TRMT9B: variants seen among roughly 807,000 people sequenced by gnomAD.
TRMT9B encodes the protein tRNA methyltransferase 9B (putative).
In TRMT9B, 16 loss-of-function variants were observed where a neutral mutation model predicts 11.5. That is an observed-to-expected ratio of 1.39 (90% confidence interval 0.94 to 2.11). TRMT9B has a LOEUF of 2.11. TRMT9B is among the 30% of genes most tolerant of loss of function. The pLI, the probability that TRMT9B is intolerant of heterozygous loss-of-function variation, is 0.00. For synonymous variants in TRMT9B, 274 were observed against 192.4 expected (o/e 1.42, Z -3.51); for missense variants, 941 against 553.8 (o/e 1.70, Z -7.02).
At chr8:12,967,427 T>C (rs149434839) in intron 1 of TRMT9B, among the ~76,000 whole-genome samples, 25 of 152,288 alleles carry the variant, frequency 1.6e-4, no homozygotes, top group Admixed American at 4.6e-4. Context: ...CACCAGACCA[T>C]AACGAAATGG....
At chr8:13,002,157 T>G (rs1366461569) in intron 2 of TRMT9B, among the ~76,000 whole-genome samples, 1 of 152,146 alleles carries the variant, frequency 6.6e-6, no homozygotes, top group Non-Finnish European at 1.5e-5. Flanking sequence ...ATAGAAAACT[T>G]AGGGGAAGAT....
rs200747223 is a variant in TRMT9B at position 13,008,730 on chromosome 8, A to AT, written c.154+2383dup. 4.7e-3 allele frequency among the ~76,000 whole-genome samples: 715 copies of AT among 151,662 alleles called. 11 individuals carry two copies. The highest frequency in any genetic ancestry group is 0.016 in the African/African-American group (649 of 41,332). On this transcript the variant is annotated intron_variant, in intron 3 of 4. Coordinates refer to ENST00000524591, the MANE Select transcript of TRMT9B (RefSeq NM_020844.3). ...AACACATGTCATAGAAATCTAGATAATTTTTTTTTCTTTTTTGAGACGGAG... is the reference window on the plus strand; with the variant it reads ...AACACATGTCATAGAAATCTAGATAATTTTTTTTTTCTTTTTTGAGACGGAG...
intron 1 of TRMT9B, among the ~76,000 whole-genome samples, chr8:12,988,749 A>G (rs188526343): frequency 6.6e-6 from 1 of 152,316 alleles, no homozygotes; most frequent in East Asian, 1.9e-4. Context: ...GGGAACTACA[A>G]TTCAAGATGA....
At chr8:12,968,258 G>A (rs1029097772) in intron 1 of TRMT9B, among the ~76,000 whole-genome samples, 1 of 152,174 alleles carries the variant, frequency 6.6e-6, no homozygotes, top group South Asian at 2.1e-4. Flanking sequence ...AGTTCTACAG[G>A]AGTATATGAC....
intron 1 of TRMT9B, 96 bp from the exon 2 acceptor site, chr8:12,990,738 A>G: frequency 1.6e-6 from 1 of 607,872 alleles, no homozygotes; most frequent in Non-Finnish European, 2.4e-6. Flanking sequence ...TTGGCTGGGT[A>G]ATTTATGCAT....
At chr8:12,961,076 G>A (rs1802039499) in intron 1 of TRMT9B, among the ~76,000 whole-genome samples, 2 of 152,106 alleles carry the variant, frequency 1.3e-5, no homozygotes, top group African/African-American at 4.8e-5. Context: ...GGGAAGTGGA[G>A]GTTGCAGTGA....
At chr8:12,962,202 G>A (rs1376245558) in intron 1 of TRMT9B, 1 of 152,334 alleles carries the variant, frequency 6.6e-6, no homozygotes, top group Admixed American at 6.5e-5. Context: ...GCTTTGCTAG[G>A]ACACCATCAT....
At position 12,987,439 on chromosome 8, in the gene TRMT9B, C is replaced by G. The variant is rs565894256; in HGVS notation, c.-199-3395C>G. Among the ~76,000 whole-genome samples, 78 of 152,176 alleles carry G rather than the reference C, an allele frequency of 5.1e-4. No individual in the cohort carries two copies. In the South Asian group the frequency reaches 0.016, roughly 31 times the overall value. On this transcript the variant is annotated intron_variant, in intron 1 of 4. Transcript: ENST00000524591. ...GGTGCAGTGGCTGACTTCTGTAATC[C>G]CAGCATTTCAGGAGGCCAAGGCAGG...
rs1165536764 is a variant in TRMT9B at position 13,028,451 on chromosome 8, G to A, written c.*6407G>A. ...GAATATTACCTCCACATTGAAAAAC[G>A]AGTGAGTCACTGCAGTTAAGCCAGT... On this transcript the variant is annotated 3_prime_UTR_variant, in exon 5 of 5. Coordinates refer to ENST00000524591, the MANE Select transcript of TRMT9B (RefSeq NM_020844.3). 1.8e-5 allele frequency: 3 copies of A among 166,944 alleles called. No homozygotes were observed. The highest frequency in any genetic ancestry group is 6.6e-5 in the Admixed American group (1 of 15,264). The allele number at this position is 166,944 out of a possible 1,614,324, so 10.3% of individuals were successfully genotyped here. A position where few individuals can be genotyped will look rare whatever the true frequency, so the allele number is the denominator to read the frequency against.
chr8:12,977,090 T>C (rs1369732616), intron 1 of TRMT9B, among the ~76,000 whole-genome samples: 1 of 152,210 alleles, frequency 6.6e-6, no homozygotes, highest in East Asian at 1.9e-4. Flanking sequence ...AAAATTCAAA[T>C]GCAGATTAAA....
rs754335624 is a variant in TRMT9B, at chr8:13,012,682, A to G, written c.155-2A>G. 2.5e-6 allele frequency: 4 copies of G among 1,610,422 alleles called. No homozygotes were observed. In the African/African-American group the frequency reaches 5.3e-5, roughly 22 times the overall value. On this transcript the variant is annotated splice_acceptor_variant, in intron 3 of 4. Coordinates refer to ENST00000524591, the MANE Select transcript of TRMT9B (RefSeq NM_020844.3). LOFTEE classifies it high-confidence loss of function. Reference sequence around the variant, plus strand: ...CATGTAACGCAGGTTTTTCTCTTATAGGTTGTGGGACTGGAAAATATCTTA... The same window carrying G: ...CATGTAACGCAGGTTTTTCTCTTATGGGTTGTGGGACTGGAAAATATCTTA...
rs33910775 is a variant in TRMT9B at position 13,024,041 on chromosome 8, CTTTTTTTTT to C, written c.*2009_*2017del. On this transcript the variant is annotated 3_prime_UTR_variant, in exon 5 of 5. Coordinates refer to ENST00000524591, the MANE Select transcript of TRMT9B (RefSeq NM_020844.3). ...AAAATTAATTTGGTTTCTTCTATTT[CTTTTTTTTT>C]TTTTTTTTTTTGAGACAGAGTCTCG... The C allele has an allele frequency of 8.7e-6, 1 of 114,614 alleles. No individual in the cohort carries two copies. Among genetic ancestry groups the C allele is most frequent in the Non-Finnish European group, 1.7e-5 (1 of 57,632 alleles). 7.1% of individuals were successfully genotyped at this position (114,614 alleles called of 1,614,324 possible).
chr8:12,996,527 G>A lies in TRMT9B; in HGVS notation c.-2+5496G>A, dbSNP rs527378532. On this transcript the variant is annotated intron_variant, in intron 2 of 4. Transcript: ENST00000524591. ...GGGATACTGCTTTGACATTTCACCT[G>A]ATCTTTGAACCCAGTGATCTCCAAT... is the stretch of plus-strand genomic sequence containing the variant. Among the ~76,000 whole-genome samples, 12 of 152,288 alleles carry A rather than the reference G, an allele frequency of 7.9e-5. No homozygotes were observed. The South Asian group carries it at 2.5e-3, about 32-fold the overall frequency.
intron 3 of TRMT9B, chr8:13,011,406 C>T (rs1811587314): frequency 1.0e-6 from 1 of 985,126 alleles, no homozygotes; most frequent in Non-Finnish European, 1.2e-6. Context: ...TATTAGTGTC[C>T]TGATGTATTT....
Position 13,027,973 on chromosome 8 carries a change from A to G in TRMT9B, c.*5929A>G, listed in dbSNP as rs183773936. 6.0e-6 allele frequency: 1 copy of G among 167,110 alleles called. No homozygotes were observed. Among genetic ancestry groups the G allele is most frequent in the African/African-American group, 2.4e-5 (1 of 41,594 alleles). 10.4% of individuals were successfully genotyped at this position (167,110 alleles called of 1,614,324 possible). A position where few individuals can be genotyped will look rare whatever the true frequency, so the allele number is the denominator to read the frequency against. On this transcript the variant is annotated 3_prime_UTR_variant, in exon 5 of 5. Coordinates refer to ENST00000524591, the MANE Select transcript of TRMT9B (RefSeq NM_020844.3). ...AACACTGAGGTGCAAACATTTAAAA[A>G]GATCTCTCACCAAACAAGGATTGAA...
intron 1 of TRMT9B, among the ~76,000 whole-genome samples, chr8:12,950,411 C>A (rs1016412160): frequency 6.6e-6 from 1 of 152,166 alleles, no homozygotes; most frequent in African/African-American, 2.4e-5. Context: ...ATCACAGTAT[C>A]CAATACGTCT....
chr8:12,979,656 T>G (rs1321234906), intron 1 of TRMT9B, among the ~76,000 whole-genome samples: 1 of 152,218 alleles, frequency 6.6e-6, no homozygotes, highest in Admixed American at 6.5e-5. Context: ...GGTGATTAGT[T>G]AATGAGCTTT....
intron 3 of TRMT9B, chr8:13,007,651 A>T (rs1810732231): frequency 6.6e-6 from 1 of 152,164 alleles, no homozygotes; most frequent in Admixed American, 6.5e-5. Context: ...AAAAATAATA[A>T]ATCTAGTTTC....
intron 2 of TRMT9B, among the ~76,000 whole-genome samples, chr8:12,995,018 G>A (rs190939591): frequency 2.0e-5 from 3 of 152,318 alleles, no homozygotes; most frequent in Non-Finnish European, 4.4e-5. Context: ...ACGCTTCCAG[G>A]CTGAGTTCCA....
Sources: gnomAD v4.1 joint callset for allele counts (sites outside exome capture counted in the v4.1 genomes callset) on GRCh38, gnomAD v4.1.1 for gene constraint, MANE v1.5 for transcripts, NCBI Gene and HGNC (gene_info 2026-07-23, HGNC 2026-07-21) for gene names.